Variants in SVOPL observed in about 807,000 individuals in gnomAD.
SVOPL encodes the protein SVOP like.
Under a neutral mutation model 61.0 loss-of-function variants are expected in SVOPL, and 60 were observed. That is an observed-to-expected ratio of 0.98 (90% CI 0.80 to 1.22). The LOEUF is 1.22. Among genes scored for constraint, SVOPL ranks in the 50% most tolerant of loss-of-function variants. SVOPL has a pLI of 0.00. For synonymous variants in SVOPL, 279 were observed against 250.0 expected, an observed-to-expected ratio of 1.12 and a Z score of -1.09; for missense variants, 662 against 643.9, an observed-to-expected ratio of 1.03 and a Z score of -0.30.
chr7:138,611,245 G>A (rs1022413675), intron 14 of SVOPL, among the ~76,000 whole-genome samples: 1 of 152,176 alleles, frequency 6.6e-6, no homozygotes, highest in Admixed American at 6.5e-5. Flanking sequence ...GGGCATGGTG[G>A]TGTGCGCCTG....
chr7:138,696,121 A>C (rs1296002498), intron 1 of SVOPL, among the ~76,000 whole-genome samples: 1 of 152,072 alleles, frequency 6.6e-6, no homozygotes, highest in Non-Finnish European at 1.5e-5. Context: ...CTTCACCAAG[A>C]ATTCTTTTTT....
chr7:138,618,177 T>C (rs189098410), intron 14 of SVOPL, among the ~76,000 whole-genome samples: 39 of 152,280 alleles, frequency 2.6e-4, no homozygotes, highest in African/African-American at 9.1e-4. Flanking sequence ...AAAGTTAAAT[T>C]ATTGAGAAGT....
chr7:138,690,909 A>G (rs1461355938), intron 1 of SVOPL, among the ~76,000 whole-genome samples: 2 of 152,118 alleles, frequency 1.3e-5, no homozygotes, highest in African/African-American at 4.8e-5. Context: ...AGTAGCTGGG[A>G]CTACAGGTGT....
intron 14 of SVOPL, among the ~76,000 whole-genome samples, chr7:138,609,161 A>G (rs1584775763): frequency 6.6e-6 from 1 of 152,310 alleles, no homozygotes; most frequent in African/African-American, 2.4e-5. Context: ...ATTTATTGCC[A>G]GTGAGATTGG....
At chr7:138,642,840 AAAAAAAAAAAG>A (rs77747712) in intron 9 of SVOPL, among the ~76,000 whole-genome samples, 167 of 46,602 alleles carry the variant, frequency 3.6e-3, no homozygotes, top group Middle Eastern at 0.021. Flanking sequence ...CCAAAAAAAA[AAAAAAAAAAAG>A]AAGAAACAAA....
chr7:138,624,011 G>C (rs185536486), intron 13 of SVOPL, among the ~76,000 whole-genome samples: 25 of 152,070 alleles, frequency 1.6e-4, no homozygotes, highest in African/African-American at 6.0e-4. Context: ...ATAGAGACGG[G>C]GTTTCACCAT....
intron 3 of SVOPL, among the ~76,000 whole-genome samples, chr7:138,674,369 C>T (rs967699968): frequency 6.6e-6 from 1 of 151,920 alleles, no homozygotes; most frequent in East Asian, 1.9e-4. Flanking sequence ...GGTGGAGGGG[C>T]CACGGCCCAT....
intron 1 of SVOPL, among the ~76,000 whole-genome samples, chr7:138,698,792 C>T (rs17160478): frequency 0.031 from 4,673 of 152,128 alleles, 89 homozygotes; most frequent in Middle Eastern, 0.078. Context: ...CACCTCTGAG[C>T]AAAGCCATCG....
intron 14 of SVOPL, among the ~76,000 whole-genome samples, chr7:138,604,677 C>CAAAA (rs5887890): frequency 6.1e-4 from 36 of 58,774 alleles, no homozygotes; most frequent in South Asian, 4.3e-3. Flanking sequence ...AACTTTATCT[C>CAAAA]AAAAAAAAAA....
chr7:138,637,716 C>A (rs1800565584), intron 9 of SVOPL, among the ~76,000 whole-genome samples: 1 of 151,966 alleles, frequency 6.6e-6, no homozygotes, highest in South Asian at 2.1e-4. Flanking sequence ...CTTTGGGAGG[C>A]CAAGGCAGGC....
intron 5 of SVOPL, chr7:138,661,068 A>C: frequency 1.0e-6 from 1 of 985,152 alleles, no homozygotes; most frequent in Non-Finnish European, 1.2e-6. Context: ...TCGTGTTTTC[A>C]AATTTACAAG....
chr7:138,669,382 C>G (rs1043119129), intron 4 of SVOPL, among the ~76,000 whole-genome samples: 2 of 151,936 alleles, frequency 1.3e-5, no homozygotes, highest in Admixed American at 1.3e-4. Context: ...CACTCCAGCC[C>G]GGGCAAAAGA....
At chr7:138,633,709 AAGTG>A (rs113534392) in intron 9 of SVOPL, among the ~76,000 whole-genome samples, 17,258 of 152,082 alleles carry the variant, frequency 0.11, 2,757 homozygotes, top group African/African-American at 0.36. Flanking sequence ...CCACAGAAGA[AAGTG>A]AGAATACCTT....
At chr7:138,646,300 A>C (rs1801107652) in intron 8 of SVOPL, 1 of 167,094 alleles carries the variant, frequency 6.0e-6, no homozygotes, top group African/African-American at 2.4e-5. Context: ...CCACAGTAAC[A>C]CCTGGGGGCA....
intron 1 of SVOPL, among the ~76,000 whole-genome samples, chr7:138,691,563 C>G (rs1307824558): frequency 6.6e-6 from 1 of 152,052 alleles, no homozygotes; most frequent in East Asian, 1.9e-4. Context: ...TTTTTGAGAC[C>G]AAGTCTCGCT....
At chr7:138,605,016 G>C (rs1231345247) in intron 14 of SVOPL, among the ~76,000 whole-genome samples, 1 of 151,766 alleles carries the variant, frequency 6.6e-6, no homozygotes. Context: ...AGGAGTTCAA[G>C]ACTGGCCTGG....
At chr7:138,671,972 C>T (rs1365500778) in intron 4 of SVOPL, 47 bp downstream of exon 4, 3 of 1,520,042 alleles carry the variant, frequency 2.0e-6, no homozygotes. Context: ...GAAAGGGAGC[C>T]TACGCCCTCA....
At chr7:138,598,468 T>A (rs1471106064) in intron 14 of SVOPL, among the ~76,000 whole-genome samples, 2 of 152,168 alleles carry the variant, frequency 1.3e-5, no homozygotes, top group African/African-American at 2.4e-5. Context: ...CATCAAGCAA[T>A]GGGATCTAAC....
At chr7:138,602,004 T>C (rs116032977) in intron 14 of SVOPL, among the ~76,000 whole-genome samples, 4 of 152,316 alleles carry the variant, frequency 2.6e-5, no homozygotes, top group African/African-American at 7.2e-5. Flanking sequence ...TTTTAAAGTG[T>C]GTGGAACATA....
Sources: allele counts gnomAD v4.1 joint callset (sites outside exome capture counted in the v4.1 genomes callset), GRCh38; gene constraint gnomAD v4.1.1; transcripts MANE v1.5; gene names NCBI Gene and HGNC (gene_info 2026-07-23, HGNC 2026-07-21).